Variants in DYNC2I1 observed in about 807,000 individuals in gnomAD.
The protein encoded by DYNC2I1 is dynein 2 intermediate chain 1, also known as cytoplasmic dynein 2 intermediate chain 1.
A neutral mutation model predicts 133.4 loss-of-function variants in DYNC2I1; 89 were observed. That is an observed-to-expected ratio of 0.67 (90% CI 0.56 to 0.80). The LOEUF is 0.80. Among genes scored for constraint, DYNC2I1 ranks in the 30% least tolerant of loss-of-function variants. The pLI is 0.00. For missense variants in DYNC2I1, 1,291 were observed against 1,314.5 expected, an observed-to-expected ratio of 0.98 and a Z score of 0.28; for synonymous variants, 504 against 484.3, an observed-to-expected ratio of 1.04 and a Z score of -0.54.
At chr7:158,913,612 G>A (rs1431520514) in intron 13 of DYNC2I1, among the ~76,000 whole-genome samples, 1 of 152,180 alleles carries the variant, frequency 6.6e-6, no homozygotes, top group Non-Finnish European at 1.5e-5. Context: ...CTGTATGGCA[G>A]GGATGTATAT....
At chr7:158,946,452 T>TTC (rs1473773273), downstream of DYNC2I1, among the ~76,000 whole-genome samples, 6 of 152,244 alleles carry the variant, frequency 3.9e-5, no homozygotes, top group African/African-American at 1.4e-4. Flanking sequence ...GCAGGTGGAA[T>TTC]TCAGCATCAA....
chr7:158,942,503 AC>A (rs1461362292), intron 24 of DYNC2I1, among the ~76,000 whole-genome samples: 1 of 152,152 alleles, frequency 6.6e-6, no homozygotes, highest in Non-Finnish European at 1.5e-5. Flanking sequence ...TTTTAAAATC[AC>A]TTTAAAGTGT....
downstream of DYNC2I1, among the ~76,000 whole-genome samples, chr7:158,957,521 T>G (rs910275704): frequency 1.3e-5 from 2 of 152,236 alleles, no homozygotes; most frequent in African/African-American, 4.8e-5. Flanking sequence ...GGGGCGTGTT[T>G]GTGGTCCCCA....
intron 11 of DYNC2I1, among the ~76,000 whole-genome samples, chr7:158,908,234 GA>G (rs1464105055): frequency 6.6e-6 from 1 of 151,402 alleles, no homozygotes; most frequent in East Asian, 1.9e-4. Flanking sequence ...AGGGAAAATA[GA>G]TACCTGCTTC....
rs374994955 is a variant in DYNC2I1 at position 158,857,534 on chromosome 7, G to GTTTTTTTTTT, written c.15+789_15+790insTTTTTTTTTT. Among the ~76,000 whole-genome samples, 6 of 131,420 alleles carry GTTTTTTTTTT rather than the reference G, an allele frequency of 4.6e-5. 1 individual carries two copies. The highest frequency in any genetic ancestry group is 1.9e-4 in the African/African-American group (6 of 32,138). The allele number at this position is 131,420 out of a possible 152,430, so 86.2% of individuals were successfully genotyped here. A position where few individuals can be genotyped will look rare whatever the true frequency, so the allele number is the denominator to read the frequency against. ...GTATTTTATGTTATATAAACCTTAG[G>GTTTTTTTTTT]TTTTTGTTTTTTTTTTTTTTTTGAG... On this transcript the variant is annotated intron_variant, in intron 1 of 24. Transcript: ENST00000407559.
intron 1 of DYNC2I1, among the ~76,000 whole-genome samples, chr7:158,859,586 G>A (rs566410912): frequency 3.4e-4 from 51 of 152,032 alleles, no homozygotes; most frequent in African/African-American, 1.0e-3. Context: ...CACTGCAACC[G>A]CCACCTCCCA....
intron 23 of DYNC2I1, among the ~76,000 whole-genome samples, chr7:158,935,066 A>G (rs1384423101): frequency 6.6e-6 from 1 of 152,240 alleles, no homozygotes; most frequent in Admixed American, 6.5e-5. Flanking sequence ...ACCAAAACCT[A>G]TGATACAGCC....
intron 1 of DYNC2I1, among the ~76,000 whole-genome samples, chr7:158,858,970 C>T (rs1165292143): frequency 1.5e-5 from 1 of 66,008 alleles, no homozygotes; most frequent in East Asian, 5.5e-4. Context: ...TTCCTCCCCT[C>T]CCCTTTCCTC....
rs78615656 is a variant in DYNC2I1, at chr7:158,928,036, C to T, written c.2485+993C>T. 1.4e-4 allele frequency among the ~76,000 whole-genome samples: 21 copies of T among 152,300 alleles called. No individual in the cohort carries two copies. The East Asian group carries it at 4.1e-3, about 29-fold the overall frequency. ...CCTCTCAGTTTTGGATTTACAACCC[C>T]AGGGTGTATCAGGAACACTGGATGC... is the stretch of plus-strand genomic sequence containing the variant. On this transcript the variant is annotated intron_variant, in intron 20 of 24. Coordinates refer to ENST00000407559, the MANE Select transcript of DYNC2I1 (RefSeq NM_018051.5).
At chr7:158,937,667 G>A (rs1390536498) in intron 23 of DYNC2I1, among the ~76,000 whole-genome samples, 1 of 145,416 alleles carries the variant, frequency 6.9e-6, no homozygotes, top group African/African-American at 2.5e-5. Flanking sequence ...GCCCATGCCT[G>A]TAATCCCAGC....
intron 5 of DYNC2I1, 78 bp downstream of exon 5, chr7:158,880,067 C>G: frequency 6.7e-7 from 1 of 1,497,300 alleles, no homozygotes; most frequent in South Asian, 1.4e-5. Context: ...CGGGCGGTGT[C>G]GCCAGACAAG....
At chr7:158,901,111 T>C (rs1003702114) in intron 8 of DYNC2I1, among the ~76,000 whole-genome samples, 3 of 152,108 alleles carry the variant, frequency 2.0e-5, no homozygotes, top group Non-Finnish European at 4.4e-5. Context: ...CTTTGTAATA[T>C]CTTCTTGATT....
chr7:158,908,004 G>A (rs946085135), intron 11 of DYNC2I1, among the ~76,000 whole-genome samples: 43 of 151,728 alleles, frequency 2.8e-4, no homozygotes, highest in Non-Finnish European at 2.4e-4. Context: ...GGATTATTTT[G>A]GATCAAAAAT....
chr7:158,906,897 G>A (rs551883846), intron 11 of DYNC2I1, among the ~76,000 whole-genome samples: 1 of 152,322 alleles, frequency 6.6e-6, no homozygotes, highest in East Asian at 1.9e-4. Context: ...GGGCATGGTG[G>A]TATATGCCTA....
In DYNC2I1 at chr7:158,892,962, A is replaced by G. The variant is rs867044472; in HGVS notation, c.1059+1629A>G. On this transcript the variant is annotated intron_variant, in intron 8 of 24. Transcript: ENST00000407559. Reference sequence around the variant, plus strand: ...TCAAAAAAAAAAAAAAAAAATTGAGAGGAAGATACAAAGATTTCCCATATA... The same window carrying G: ...TCAAAAAAAAAAAAAAAAAATTGAGGGGAAGATACAAAGATTTCCCATATA... Among the ~76,000 whole-genome samples the G allele has an allele frequency of 2.6e-3, 384 of 150,484 alleles. 2 individuals are homozygous for G. Among genetic ancestry groups the G allele is most frequent in the African/African-American group, 8.9e-3 (366 of 41,078 alleles).
chr7:158,933,429 A>G (rs558545079), intron 21 of DYNC2I1, among the ~76,000 whole-genome samples: 9 of 152,156 alleles, frequency 5.9e-5, no homozygotes, highest in Non-Finnish European at 1.2e-4. Context: ...CAGGCGACGC[A>G]TTGGGTTTGC....
At chr7:158,864,157 C>T (rs184740082) in intron 1 of DYNC2I1, among the ~76,000 whole-genome samples, 4 of 151,704 alleles carry the variant, frequency 2.6e-5, no homozygotes, top group South Asian at 2.1e-4. Flanking sequence ...CTGGGTGTGG[C>T]GGGGAATGAG....
chr7:158,949,127 G>A (rs1034456067), downstream of DYNC2I1, among the ~76,000 whole-genome samples: 37 of 151,936 alleles, frequency 2.4e-4, no homozygotes, highest in Admixed American at 4.6e-4. Flanking sequence ...CAGCACCACC[G>A]TCCAACAGCA....
chr7:158,948,488 G>A (rs966791194), downstream of DYNC2I1, among the ~76,000 whole-genome samples: 21 of 152,184 alleles, frequency 1.4e-4, no homozygotes, highest in African/African-American at 2.4e-4. Context: ...AGGATACCCC[G>A]CTTGCTGTGC....
Sources: gnomAD v4.1 joint callset for allele counts (sites outside exome capture counted in the v4.1 genomes callset) on GRCh38, gnomAD v4.1.1 for gene constraint, MANE v1.5 for transcripts, NCBI Gene and HGNC (gene_info 2026-07-23, HGNC 2026-07-21) for gene names.